FUT9: variants seen among roughly 807,000 people sequenced by gnomAD.
FUT9 encodes 4-galactosyl-N-acetylglucosaminide 3-alpha-L-fucosyltransferase 9.
In FUT9, 15 loss-of-function variants were observed where a neutral mutation model predicts 29.7. The observed-to-expected ratio is 0.51, with a 90% CI of 0.34 to 0.78. The LOEUF is 0.78. Ranked by LOEUF, FUT9 falls within the 30% of genes least tolerant of loss-of-function variation. FUT9 has a pLI of 0.01. For synonymous variants in FUT9, 169 were observed against 153.7 expected, an observed-to-expected ratio of 1.10 and a Z score of -0.74; for missense variants, 319 against 425.4, an observed-to-expected ratio of 0.75 and a Z score of 2.20.
intron 2 of FUT9, among the ~76,000 whole-genome samples, chr6:96,163,758 A>T (rs1361130896): frequency 1.3e-5 from 2 of 152,164 alleles, no homozygotes; most frequent in East Asian, 3.8e-4. Flanking sequence ...ACCAGACCTC[A>T]AGTATTCCTC....
intron 2 of FUT9, among the ~76,000 whole-genome samples, chr6:96,150,023 A>C (rs1772646708): frequency 6.6e-6 from 1 of 152,096 alleles, no homozygotes; most frequent in Non-Finnish European, 1.5e-5. Context: ...GCCTGTGGTA[A>C]CCATCATTCT....
intron 1 of FUT9, among the ~76,000 whole-genome samples, chr6:96,052,437 T>C (rs904290093): frequency 3.9e-5 from 6 of 152,230 alleles, no homozygotes; most frequent in South Asian, 2.1e-4. Flanking sequence ...TATTCCCTAA[T>C]TCTTTCACCC....
chr6:96,053,499 G>C (rs1260690541), intron 1 of FUT9, among the ~76,000 whole-genome samples: 1 of 152,112 alleles, frequency 6.6e-6, no homozygotes, highest in Non-Finnish European at 1.5e-5. Flanking sequence ...ATGAGGTCAG[G>C]AGATGGAGAC....
intron 2 of FUT9, among the ~76,000 whole-genome samples, chr6:96,119,740 C>G (rs1404266754): frequency 6.6e-6 from 1 of 152,130 alleles, no homozygotes; most frequent in African/African-American, 2.4e-5. Flanking sequence ...ATCTCATAAT[C>G]CACACAGTTT....
At chr6:96,057,448 A>G (rs745983152) in intron 1 of FUT9, among the ~76,000 whole-genome samples, 2 of 152,196 alleles carry the variant, frequency 1.3e-5, no homozygotes, top group African/African-American at 2.4e-5. Context: ...ACTGAATAAT[A>G]AAGAAACAGA....
chr6:96,202,444 G>C (rs1169543745), intron 2 of FUT9, among the ~76,000 whole-genome samples: 1 of 151,914 alleles, frequency 6.6e-6, no homozygotes, highest in Non-Finnish European at 1.5e-5. Flanking sequence ...GGTAGATATT[G>C]GATGTACTAA....
At chr6:96,128,645 C>G (rs779368164) in intron 2 of FUT9, among the ~76,000 whole-genome samples, 2 of 152,064 alleles carry the variant, frequency 1.3e-5, no homozygotes, top group Admixed American at 1.3e-4. Flanking sequence ...ATCAAAAACA[C>G]TTGTATGCAC....
At chr6:96,074,535 G>C (rs1771112690) in intron 1 of FUT9, among the ~76,000 whole-genome samples, 1 of 152,082 alleles carries the variant, frequency 6.6e-6, no homozygotes, top group African/African-American at 2.4e-5. Context: ...AAAGGGATAG[G>C]ATCATAACTG....
At chr6:96,064,620 A>G (rs985100937) in intron 1 of FUT9, among the ~76,000 whole-genome samples, 1 of 152,128 alleles carries the variant, frequency 6.6e-6, no homozygotes, top group African/African-American at 2.4e-5. Flanking sequence ...ACAAACATAA[A>G]AGTAGCTCTT....
chr6:96,055,380 G>T (rs1262173931), intron 1 of FUT9, among the ~76,000 whole-genome samples: 1 of 106,056 alleles, frequency 9.4e-6, no homozygotes, highest in African/African-American at 3.3e-5. Flanking sequence ...TGGCTGTTTG[G>T]GGTTTGTTTT....
At chr6:96,062,709 C>T (rs772966717) in intron 1 of FUT9, among the ~76,000 whole-genome samples, 2 of 151,932 alleles carry the variant, frequency 1.3e-5, no homozygotes, top group Non-Finnish European at 2.9e-5. Context: ...CTTCTTTATA[C>T]CTTTTTGTAT....
intron 2 of FUT9, among the ~76,000 whole-genome samples, chr6:96,157,891 A>G (rs1772820709): frequency 6.6e-6 from 1 of 152,152 alleles, no homozygotes; most frequent in South Asian, 2.1e-4. Flanking sequence ...GCTTAAAGAT[A>G]TGATGCAAAT....
At position 96,209,707 on chromosome 6, in the gene FUT9, G is replaced by A. The variant is rs1405365640; in HGVS notation, c.*5472G>A. 6.0e-6 allele frequency: 1 copy of A among 166,592 alleles called. No individual in the cohort carries two copies. Among genetic ancestry groups the A allele is most frequent in the African/African-American group, 2.4e-5 (1 of 41,376 alleles). 10.3% of individuals were successfully genotyped at this position (166,592 alleles called of 1,614,324 possible). On this transcript the variant is annotated 3_prime_UTR_variant, in exon 3 of 3. Coordinates refer to ENST00000302103, the MANE Select transcript of FUT9 (RefSeq NM_006581.4). ...ATAGTTAACATATGTCCATGCATTTGATTTACTTTAAAAATATTTTATTTA... is the reference window on the plus strand; with the variant it reads ...ATAGTTAACATATGTCCATGCATTTAATTTACTTTAAAAATATTTTATTTA...
intron 2 of FUT9, among the ~76,000 whole-genome samples, chr6:96,129,421 A>C (rs527599015): frequency 2.6e-5 from 4 of 152,170 alleles, no homozygotes; most frequent in Non-Finnish European, 5.9e-5. Flanking sequence ...GTGCCACTGC[A>C]CTCCAACTTG....
At chr6:96,191,429 A>G (rs2127988759) in intron 2 of FUT9, among the ~76,000 whole-genome samples, 1 of 152,322 alleles carries the variant, frequency 6.6e-6, no homozygotes, top group South Asian at 2.1e-4. Flanking sequence ...AATACAAACT[A>G]CAATCAGAGA....
intron 2 of FUT9, among the ~76,000 whole-genome samples, chr6:96,118,344 T>G (rs1377854264): frequency 6.6e-6 from 1 of 151,826 alleles, no homozygotes; most frequent in African/African-American, 2.4e-5. Context: ...CAAAATATAG[T>G]CATGCACTGC....
chr6:96,080,652 A>G (rs1016581661), intron 1 of FUT9, among the ~76,000 whole-genome samples: 1 of 152,026 alleles, frequency 6.6e-6, no homozygotes, highest in Non-Finnish European at 1.5e-5. Flanking sequence ...TGTCTTGACC[A>G]TGTACCTTCT....
intron 2 of FUT9, among the ~76,000 whole-genome samples, chr6:96,164,393 G>A (rs527758304): frequency 1.3e-5 from 2 of 151,864 alleles, no homozygotes; most frequent in East Asian, 1.9e-4. Context: ...TGAGTAGCTG[G>A]GACTACAGGC....
intron 1 of FUT9, among the ~76,000 whole-genome samples, chr6:96,063,292 G>A (rs1442223842): frequency 1.3e-5 from 2 of 152,166 alleles, no homozygotes; most frequent in Non-Finnish European, 2.9e-5. Context: ...GGTTCTGTAT[G>A]TTTTACAGGA....
Sources: allele counts gnomAD v4.1 joint callset (sites outside exome capture counted in the v4.1 genomes callset), GRCh38; gene constraint gnomAD v4.1.1; transcripts MANE v1.5; gene names NCBI Gene and HGNC (gene_info 2026-07-23, HGNC 2026-07-21).